CDC45: variants seen among roughly 807,000 people sequenced by gnomAD.
The protein encoded by CDC45 is cell division control protein 45 homolog.
In CDC45, 54 loss-of-function variants were observed where a neutral mutation model predicts 77.8. The ratio of observed to expected loss-of-function variants is 0.69; its 90% CI spans 0.56 to 0.87. The LOEUF (loss-of-function observed/expected upper bound fraction) is 0.87, where lower values mean the gene tolerates loss of function less well. Among genes scored for constraint, CDC45 ranks in the 40% least tolerant of loss-of-function variants. The pLI, the probability that CDC45 is intolerant of heterozygous loss-of-function variation, is 0.00. For missense variants in CDC45, 649 were observed against 721.6 expected (o/e 0.90, Z 1.15); for synonymous variants, 260 against 272.1 (o/e 0.96, Z 0.44).
chr22:19,508,644 T>C lies in CDC45; in HGVS notation c.1170T>C (p.Asp390=). 6.2e-7 allele frequency: 1 copy of C among 1,614,072 alleles called. No homozygotes were observed. Among genetic ancestry groups the C allele is most frequent in the Non-Finnish European group, 8.5e-7 (1 of 1,179,984 alleles). ...CTTTGATGGAGAGCCCCGAGAAGGATGGCTCAGGGACAGATCACTTCATCC... is the reference window on the plus strand; with the variant it reads ...CTTTGATGGAGAGCCCCGAGAAGGACGGCTCAGGGACAGATCACTTCATCC... ...TMSLMESPEK[D]GSGTDHFIQA... is the part of the protein sequence containing the mutation. The change falls in exon 13 of 19, where the codon GAT becomes GAC. Residue 390 remains aspartate, a synonymous_variant. Transcript: ENST00000263201.
chr22:19,483,809 ATAGTTTTCCG>A, intron 4 of CDC45, 43 bp from the exon 5 acceptor site: 2 of 1,523,188 alleles, frequency 1.3e-6, no homozygotes, highest in Non-Finnish European at 1.8e-6. Flanking sequence ...AACATATTGT[ATAGTTTTCCG>A]TAGAAAGAGG....
At chr22:19,506,536 C>T (rs756475171) in intron 10 of CDC45, among the ~76,000 whole-genome samples, 5 of 152,116 alleles carry the variant, frequency 3.3e-5, no homozygotes, top group Non-Finnish European at 2.9e-5. Flanking sequence ...AGGAAGCAGG[C>T]AGGACCAGGC....
intron 10 of CDC45, among the ~76,000 whole-genome samples, chr22:19,506,891 G>A (rs1235494488): frequency 1.5e-4 from 23 of 151,560 alleles, no homozygotes; most frequent in Non-Finnish European, 3.1e-4. Context: ...CCGAGATCGT[G>A]CCACTGCACT....
chr22:19,519,302 A>G (rs543338884), intron 18 of CDC45, among the ~76,000 whole-genome samples: 1 of 152,316 alleles, frequency 6.6e-6, no homozygotes, highest in African/African-American at 2.4e-5. Context: ...CCCGCAGAGC[A>G]GCCATCCGGG....
chr22:19,496,752 C>T (rs560609117), intron 7 of CDC45, among the ~76,000 whole-genome samples: 6 of 152,322 alleles, frequency 3.9e-5, no homozygotes, highest in South Asian at 2.1e-4. Context: ...CCGCATCTCA[C>T]GGCAAAGGGG....
In CDC45 at chr22:19,514,872, C is replaced by T. The variant is rs760626845; in HGVS notation, c.1341C>T (p.Tyr447=). Residue 447 remains tyrosine (Y), a synonymous_variant, in exon 14 of 19, where the codon TAC becomes TAT. Coordinates refer to ENST00000263201, the MANE Select transcript of CDC45 (RefSeq NM_003504.5). ...NLVISQGPFL[Y]CSLMEGTPDV... ...TCATCTCCCAGGGGCCTTTCCTGTACTGCTCTCTCATGGAGGTCAGGCTTC... is the reference window on the plus strand; with the variant it reads ...TCATCTCCCAGGGGCCTTTCCTGTATTGCTCTCTCATGGAGGTCAGGCTTC... 2.8e-5 allele frequency: 46 copies of T among 1,614,112 alleles called. No individual in the cohort carries two copies. The South Asian group carries it at 4.3e-4, about 15-fold the overall frequency.
chr22:19,510,462 G>C (rs1000985724), intron 13 of CDC45, among the ~76,000 whole-genome samples: 8 of 152,132 alleles, frequency 5.3e-5, no homozygotes, highest in African/African-American at 1.4e-4. Flanking sequence ...TTTGTGACCG[G>C]GTTCTTCACT....
At chr22:19,514,706 T>A in intron 13 of CDC45, 43 bp from the exon 14 acceptor site, 1 of 1,522,294 alleles carries the variant, frequency 6.6e-7, no homozygotes, top group Non-Finnish European at 8.9e-7. Context: ...TACCAAGAGT[T>A]CCTGACAAGC....
rs541326697 is a variant in CDC45 at position 19,495,482 on chromosome 22, TTG to T, written c.543-495_543-494del. ...TACATCATACATTGCCACTGGCAGT[TTG>T]TGTTAATTTCCCAACGTTACACATA... is the stretch of plus-strand genomic sequence containing the variant. On this transcript the variant is annotated intron_variant, in intron 6 of 18. Transcript: ENST00000263201. Among the ~76,000 whole-genome samples, 157 of 152,320 alleles carry T rather than the reference TTG, an allele frequency of 1.0e-3. 1 individual carries two copies. Among genetic ancestry groups the T allele is most frequent in the Non-Finnish European group, 2.0e-3 (138 of 68,022 alleles).
Position 19,507,403 on chromosome 22 carries a change from A to C in CDC45, c.842A>C (p.Tyr281Ser). The part of the protein sequence containing the change: ...SFEYDLRLVL[Y>S]QHWSLHDSLC... ...AGGCCCAGCCTCCGCCTGGTGCTCT[A>C]CCAGCACTGGTCCCTCCATGACAGC... The change falls in exon 11 of 19, where the codon TAC (tyrosine) becomes TCC (serine). Residue 281 changes from tyrosine to serine, a missense_variant. Physicochemically the swap from Tyr to Ser is moderately radical, Grantham distance 144. Transcript: ENST00000263201. 1 of 1,614,032 alleles carries C rather than the reference A, an allele frequency of 6.2e-7. No individual in the cohort carries two copies. Among genetic ancestry groups the C allele is most frequent in the Non-Finnish European group, 8.5e-7 (1 of 1,180,014 alleles).
rs1437880545 is a variant in CDC45 at position 19,507,504 on chromosome 22, C to G, written c.943C>G (p.Leu315Val). The G allele has an allele frequency of 2.5e-6, 4 of 1,614,052 alleles. No homozygotes were observed. The highest frequency in any genetic ancestry group is 1.3e-5 in the African/African-American group (1 of 74,934). The change falls in exon 11 of 19, where the codon CTT becomes GTT. Residue 315 changes from leucine to valine, a missense_variant. By Grantham distance (32) the Leu-to-Val change is conservative. Transcript: ENST00000263201. ...TGGACAGAAGCGGCTCCAGGAGTTCCTTGCAGACATGGGGTGAGTGACTGC... is the reference window on the plus strand; with the variant it reads ...TGGACAGAAGCGGCTCCAGGAGTTCGTTGCAGACATGGGGTGAGTGACTGC... ...VHGQKRLQEF[L>V]ADMGLPLKQV...
chr22:19,507,618 GT>G lies in CDC45; in HGVS notation c.956+103del, dbSNP rs1317953231. 91 of 1,491,516 alleles carry G rather than the reference GT, an allele frequency of 6.1e-5. No individual in the cohort carries two copies. In the South Asian group the frequency reaches 6.6e-4, roughly 11 times the overall value. The allele number at this position is 1,491,516 out of a possible 1,614,324, so 92.4% of individuals were successfully genotyped here. A position where few individuals can be genotyped will look rare whatever the true frequency, so the allele number is the denominator to read the frequency against. On this transcript the variant is annotated intron_variant, in intron 11 of 18. Transcript: ENST00000263201. Reference sequence around the variant, plus strand: ...CCAACTTAGTTATAAAATGCAGCCTGTTCTGCCATAAGCTCCTTGCCCTAGA... The same window carrying G: ...CCAACTTAGTTATAAAATGCAGCCTGTCTGCCATAAGCTCCTTGCCCTAGA...
chr22:19,510,504 G>A (rs745368441), intron 13 of CDC45, among the ~76,000 whole-genome samples: 1 of 152,112 alleles, frequency 6.6e-6, no homozygotes, highest in Non-Finnish European at 1.5e-5. Flanking sequence ...CATCTATATT[G>A]TAGGATGTAT....
intron 5 of CDC45, among the ~76,000 whole-genome samples, chr22:19,492,866 T>A (rs886931795): frequency 1.3e-5 from 2 of 152,184 alleles, no homozygotes; most frequent in African/African-American, 4.8e-5. Context: ...CTTTGCTGCC[T>A]CTTACCCTCC....
At chr22:19,499,025 C>A in intron 8 of CDC45, 76 bp from the exon 9 acceptor site, 36 of 1,477,820 alleles carry the variant, frequency 2.4e-5, no homozygotes, top group Non-Finnish European at 3.4e-5. Context: ...CCCGTTCCAT[C>A]ATCTCACTCC....
At position 19,514,756 on chromosome 22, in the gene CDC45, C is replaced by G; in HGVS notation, c.1225C>G (p.Leu409Val). The G allele has an allele frequency of 6.2e-7, 1 of 1,608,782 alleles. No individual in the cohort carries two copies. The highest frequency in any genetic ancestry group is 8.5e-7 in the Non-Finnish European group (1 of 1,177,444). The change falls in exon 14 of 19, where the codon CTG becomes GTG. Residue 409 changes from leucine to valine, a missense_variant. Transcript: ENST00000263201. ...QALDSLSRSN[L>V]DKLYHGLELA... ...GTGTCTGCCCTGTTACAGGAGTAAC[C>G]TGGACAAGCTGTACCATGGCCTGGA...
chr22:19,512,135 G>T (rs1046080996), intron 13 of CDC45, among the ~76,000 whole-genome samples: 2 of 152,144 alleles, frequency 1.3e-5, no homozygotes, highest in South Asian at 4.1e-4. Context: ...CTTCAGCAAG[G>T]CCCCTTGCTC....
At chr22:19,513,929 A>AC (rs1461753750) in intron 13 of CDC45, among the ~76,000 whole-genome samples, 1 of 151,898 alleles carries the variant, frequency 6.6e-6, no homozygotes, top group Admixed American at 6.6e-5. Flanking sequence ...GTTTTTCTTG[A>AC]CTCCAGACTT....
rs969638544 is a variant in CDC45 at position 19,482,872 on chromosome 22, C to T, written c.342+45C>T. On this transcript the variant is annotated intron_variant, in intron 4 of 18. Coordinates refer to ENST00000263201, the MANE Select transcript of CDC45 (RefSeq NM_003504.5). The stretch of plus-strand genomic sequence containing the variant: ...CTCAAACTGTCTGTACTTTTTATGC[C>T]ATGTACAATGTCTCACCTGGTGTTC... 4 of 1,584,914 alleles carry T rather than the reference C, an allele frequency of 2.5e-6. No homozygotes were observed. The African/African-American group carries it at 4.0e-5, about 16-fold the overall frequency.
Sources: allele counts gnomAD v4.1 joint callset (sites outside exome capture counted in the v4.1 genomes callset), GRCh38; gene constraint gnomAD v4.1.1; transcripts MANE v1.5; gene names NCBI Gene and HGNC (gene_info 2026-07-23, HGNC 2026-07-21).